LRRFIP2: variants seen among roughly 807,000 people sequenced by gnomAD.
The protein encoded by LRRFIP2 is LRR binding FLII interacting protein 2.
LRRFIP2 carries 109 observed loss-of-function variants against 125.9 expected under a neutral mutation model. That is an observed-to-expected ratio of 0.87 (90% confidence interval 0.74 to 1.01). The LOEUF (loss-of-function observed/expected upper bound fraction) is 1.01, where lower values mean the gene tolerates loss of function less well. LRRFIP2 is among the 50% of genes least tolerant of loss of function. The pLI, the probability that LRRFIP2 is intolerant of heterozygous loss-of-function variation, is 0.00. For synonymous variants in LRRFIP2, 291 were observed against 293.1 expected, an observed-to-expected ratio of 0.99 and a Z score of 0.07; for missense variants, 850 against 862.3, an observed-to-expected ratio of 0.99 and a Z score of 0.18.
chr3:37,149,027 G>A lies in LRRFIP2; in HGVS notation c.-44C>T, dbSNP rs751959927. 1 of 1,610,218 alleles carries A rather than the reference G, an allele frequency of 6.2e-7. No homozygotes were observed. The highest frequency in any genetic ancestry group is 1.3e-5 in the African/African-American group (1 of 74,834). On this transcript the variant is annotated 5_prime_UTR_variant, in exon 2 of 28. Coordinates refer to ENST00000336686, the MANE Select transcript of LRRFIP2 (RefSeq NM_006309.4). ...TTTTAACTTTGAAAGTGATTTAACT[G>A]TGTTTTCAGCCCTGAAGTAAACAAA...
chr3:37,160,608 T>C (rs1577854919), intron 1 of LRRFIP2, among the ~76,000 whole-genome samples: 1 of 151,544 alleles, frequency 6.6e-6, no homozygotes, highest in African/African-American at 2.4e-5. Flanking sequence ...GGTGAAACCC[T>C]ATCTCTACTA....
intron 20 of LRRFIP2, among the ~76,000 whole-genome samples, chr3:37,073,362 G>C (rs1320313704): frequency 1.3e-5 from 2 of 152,132 alleles, no homozygotes; most frequent in Non-Finnish European, 2.9e-5. Context: ...ATGACAGCAA[G>C]AACACCATGA....
rs1225591178 is a variant in LRRFIP2 at position 37,091,597 on chromosome 3, CA to C, written c.1036-60del. 5.0e-6 allele frequency: 6 copies of C among 1,190,912 alleles called. No homozygotes were observed. The African/African-American group carries it at 9.2e-5, about 18-fold the overall frequency. 73.8% of individuals were successfully genotyped at this position (1,190,912 alleles called of 1,614,324 possible). A position where few individuals can be genotyped will look rare whatever the true frequency, so the allele number is the denominator to read the frequency against. On this transcript the variant is annotated intron_variant, in intron 17 of 27. Coordinates refer to ENST00000336686, the MANE Select transcript of LRRFIP2 (RefSeq NM_006309.4). ...CCATGCACAAACGTATCTTAAATCG[CA>C]AAGGATTCAGATGAAATGTGACTCA...
chr3:37,105,656 G>A, intron 13 of LRRFIP2, 133 bp from the exon 14 acceptor site: 1 of 602,254 alleles, frequency 1.7e-6, no homozygotes, highest in Non-Finnish European at 3.0e-6. Flanking sequence ...ATAATATAGT[G>A]GGCACCTTAT....
In LRRFIP2 at chr3:37,110,106, A is replaced by C. The variant is rs2094495839; in HGVS notation, c.514-403T>G. Among the ~76,000 whole-genome samples the C allele has an allele frequency of 1.3e-5, 2 of 152,126 alleles. 1 individual carries two copies. The highest frequency in any genetic ancestry group is 4.1e-4 in the South Asian group (2 of 4,830). On this transcript the variant is annotated intron_variant, in intron 9 of 27. Coordinates refer to ENST00000336686, the MANE Select transcript of LRRFIP2 (RefSeq NM_006309.4). ...GATATTTTCAGTGATTTTATGACCAACTCCTAATTGGCTTAGACTGATTTT... is the reference window on the plus strand; with the variant it reads ...GATATTTTCAGTGATTTTATGACCACCTCCTAATTGGCTTAGACTGATTTT...
At chr3:37,101,991 TA>T (rs1431322472) in intron 15 of LRRFIP2, among the ~76,000 whole-genome samples, 3 of 152,190 alleles carry the variant, frequency 2.0e-5, no homozygotes, top group Non-Finnish European at 4.4e-5. Context: ...TCCAAATATT[TA>T]AAATATATTC....
chr3:37,113,302 ACTT>A (rs2094623795), intron 7 of LRRFIP2, among the ~76,000 whole-genome samples: 4 of 151,952 alleles, frequency 2.6e-5, no homozygotes, highest in South Asian at 2.1e-4. Flanking sequence ...AGTCCCTCTG[ACTT>A]CTTTTTTTTC....
At position 37,104,364 on chromosome 3, in the gene LRRFIP2, C is replaced by T. The variant is rs551195841; in HGVS notation, c.783+1091G>A. Among the ~76,000 whole-genome samples the T allele has an allele frequency of 1.0e-3, 157 of 152,312 alleles. 1 individual carries two copies. Among genetic ancestry groups the T allele is most frequent in the South Asian group, 5.6e-3 (27 of 4,828 alleles). On this transcript the variant is annotated intron_variant, in intron 14 of 27. Transcript: ENST00000336686. Reference sequence around the variant, plus strand: ...AGTCCCTGCCCTTTCCACTCCACTGCGTTCCAAGGTGTTTTTAGGTGTTGT... The same window carrying T: ...AGTCCCTGCCCTTTCCACTCCACTGTGTTCCAAGGTGTTTTTAGGTGTTGT...
At chr3:37,124,376 A>G (rs2095191175) in intron 4 of LRRFIP2, among the ~76,000 whole-genome samples, 2 of 152,244 alleles carry the variant, frequency 1.3e-5, no homozygotes, top group African/African-American at 2.4e-5. Context: ...TTCAAAACAC[A>G]TATTCTACTA....
intron 24 of LRRFIP2, among the ~76,000 whole-genome samples, chr3:37,062,639 TCAA>T (rs2089096920): frequency 6.6e-6 from 1 of 152,042 alleles, no homozygotes; most frequent in Non-Finnish European, 1.5e-5. Context: ...TCATGAAAAC[TCAA>T]CAGCCATGCT....
rs2085954156 is a variant in LRRFIP2 at position 37,053,243 on chromosome 3, A to G, written c.*608T>C. The G allele has an allele frequency of 6.6e-6, 1 of 152,554 alleles. No individual in the cohort carries two copies. Among genetic ancestry groups the G allele is most frequent in the Non-Finnish European group, 1.5e-5 (1 of 68,158 alleles). The allele number at this position is 152,554 out of a possible 1,614,324, so 9.5% of individuals were successfully genotyped here. On this transcript the variant is annotated 3_prime_UTR_variant, in exon 28 of 28. Coordinates refer to ENST00000336686, the MANE Select transcript of LRRFIP2 (RefSeq NM_006309.4). Reference sequence around the variant, plus strand: ...ATGCAATAAAGCAAGTTTTATATACACTCCCCATATTTTTTTCTAACATTT... The same window carrying G: ...ATGCAATAAAGCAAGTTTTATATACGCTCCCCATATTTTTTTCTAACATTT...
intron 1 of LRRFIP2, among the ~76,000 whole-genome samples, chr3:37,149,814 A>G (rs752828848): frequency 1.3e-4 from 19 of 146,972 alleles, no homozygotes; most frequent in Non-Finnish European, 2.2e-4. Flanking sequence ...CAGCCTGGCC[A>G]ACATGGTAAA....
intron 6 of LRRFIP2, among the ~76,000 whole-genome samples, chr3:37,118,788 C>T (rs907432302): frequency 3.3e-5 from 5 of 152,148 alleles, no homozygotes; most frequent in Admixed American, 1.3e-4. Context: ...TCAAATACTA[C>T]GTTCAAAAAG....
At chr3:37,076,890 G>A (rs1349608497) in intron 19 of LRRFIP2, among the ~76,000 whole-genome samples, 2 of 151,910 alleles carry the variant, frequency 1.3e-5, no homozygotes, top group Non-Finnish European at 2.9e-5. Flanking sequence ...ACAAAAACTA[G>A]AAAGAAAGAA....
chr3:37,112,349 A>G lies in LRRFIP2; in HGVS notation c.438+566T>C, dbSNP rs931398805. Among the ~76,000 whole-genome samples the G allele has an allele frequency of 9.9e-5, 15 of 151,868 alleles. 1 individual carries two copies. The highest frequency in any genetic ancestry group is 1.9e-4 in the African/African-American group (8 of 41,398). On this transcript the variant is annotated intron_variant, in intron 8 of 27. Transcript: ENST00000336686. ...GACTCCATCTCAAAAAAAGAAAAAAAAAAAGAAAAGAAAAAAAGAAAAAGA... is the reference window on the plus strand; with the variant it reads ...GACTCCATCTCAAAAAAAGAAAAAAGAAAAGAAAAGAAAAAAAGAAAAAGA...
intron 23 of LRRFIP2, chr3:37,064,712 C>T (rs2089719132): frequency 6.6e-6 from 1 of 152,208 alleles, no homozygotes; most frequent in South Asian, 2.1e-4. Flanking sequence ...AAATAGGCCC[C>T]TTCAGCTGAG....
chr3:37,128,709 T>A (rs1307012581), intron 3 of LRRFIP2, among the ~76,000 whole-genome samples: 3 of 152,190 alleles, frequency 2.0e-5, no homozygotes, highest in African/African-American at 7.2e-5. Flanking sequence ...TGAATGACTT[T>A]ACAGTGTTTT....
At chr3:37,126,710 T>C (rs921087358) in intron 4 of LRRFIP2, among the ~76,000 whole-genome samples, 1 of 151,710 alleles carries the variant, frequency 6.6e-6, no homozygotes, top group African/African-American at 2.4e-5. Flanking sequence ...AATACAAAAA[T>C]CAGCTGGGCA....
rs2093272215 is a variant in LRRFIP2, at chr3:37,089,024, T to C, written c.1107+2443A>G. On this transcript the variant is annotated intron_variant, in intron 18 of 27. Coordinates refer to ENST00000336686, the MANE Select transcript of LRRFIP2 (RefSeq NM_006309.4). ...AAATATATACCCTTGACTTCATATA[T>C]ATTTTTAATACAAATTATATACTCT... is the stretch of plus-strand genomic sequence containing the variant. Among the ~76,000 whole-genome samples, 3 of 152,142 alleles carry C rather than the reference T, an allele frequency of 2.0e-5. No homozygotes were observed. The South Asian group carries it at 6.2e-4, about 31-fold the overall frequency.
Sources: allele counts gnomAD v4.1 joint callset (sites outside exome capture counted in the v4.1 genomes callset), GRCh38; gene constraint gnomAD v4.1.1; transcripts MANE v1.5; gene names NCBI Gene and HGNC (gene_info 2026-07-23, HGNC 2026-07-21).